EBF1: variants seen among roughly 807,000 people sequenced by gnomAD.
EBF1 encodes EBF transcription factor 1.
In EBF1, 10 loss-of-function variants were observed where a neutral mutation model predicts 68.4. The ratio of observed to expected loss-of-function variants is 0.15; its 90% CI spans 0.09 to 0.25. The LOEUF is 0.25. Ranked by LOEUF, EBF1 falls within the 10% of genes least tolerant of loss-of-function variation. EBF1 has a pLI of 1.00. For synonymous variants in EBF1, 298 were observed against 299.8 expected, an observed-to-expected ratio of 0.99 and a Z score of 0.06; for missense variants, 509 against 794.4, an observed-to-expected ratio of 0.64 and a Z score of 4.32.
intron 15 of EBF1, among the ~76,000 whole-genome samples, chr5:158,704,090 T>C (rs1269916682): frequency 6.6e-6 from 1 of 152,228 alleles, no homozygotes; most frequent in Admixed American, 6.5e-5. Context: ...CCTTGTTTGC[T>C]AGTTGTGTAA....
chr5:158,934,603 A>G (rs943129073), intron 6 of EBF1, among the ~76,000 whole-genome samples: 2 of 152,240 alleles, frequency 1.3e-5, no homozygotes, highest in African/African-American at 4.8e-5. Flanking sequence ...AATATTTGGA[A>G]AGAGTACAGA....
chr5:158,855,020 G>T (rs1460385788), intron 6 of EBF1, among the ~76,000 whole-genome samples: 1 of 152,106 alleles, frequency 6.6e-6, no homozygotes, highest in African/African-American at 2.4e-5. Context: ...ACATATAAGT[G>T]AAAGAACCAG....
intron 10 of EBF1, among the ~76,000 whole-genome samples, chr5:158,737,385 GC>G (rs1210312251): frequency 2.9e-5 from 4 of 139,404 alleles, no homozygotes; most frequent in South Asian, 2.4e-4. Context: ...CCGGGTTCAT[GC>G]CATTCTCCTG....
At chr5:158,952,720 A>C (rs1177781790) in intron 6 of EBF1, among the ~76,000 whole-genome samples, 1 of 152,246 alleles carries the variant, frequency 6.6e-6, no homozygotes, top group Admixed American at 6.5e-5. Context: ...AATTATGTGC[A>C]ACAAAAGCTG....
At chr5:159,061,137 T>C (rs1775726252) in intron 6 of EBF1, among the ~76,000 whole-genome samples, 1 of 152,102 alleles carries the variant, frequency 6.6e-6, no homozygotes, top group Non-Finnish European at 1.5e-5. Flanking sequence ...TTATTATTAT[T>C]ATCATATCTG....
intron 6 of EBF1, among the ~76,000 whole-genome samples, chr5:159,066,765 G>C (rs909597484): frequency 6.6e-6 from 1 of 152,112 alleles, no homozygotes; most frequent in African/African-American, 2.4e-5. Context: ...TGGAGAAATA[G>C]TTTGTAAGGG....
In EBF1 at chr5:158,731,049, C is replaced by T. The variant is rs780062562; in HGVS notation, c.1125+20G>A. ...CTCAAGTCCAAATTTTCAGGAATTACAAAAAGGCAGTATCCTCACCTTTGG... is the reference window on the plus strand; with the variant it reads ...CTCAAGTCCAAATTTTCAGGAATTATAAAAAGGCAGTATCCTCACCTTTGG... On this transcript the variant is annotated intron_variant, in intron 11 of 15. Transcript: ENST00000313708. 6.2e-7 allele frequency: 1 copy of T among 1,605,532 alleles called. No individual in the cohort carries two copies. Among genetic ancestry groups the T allele is most frequent in the South Asian group, 1.1e-5 (1 of 89,318 alleles).
intron 11 of EBF1, among the ~76,000 whole-genome samples, chr5:158,725,902 A>G (rs1762895086): frequency 6.6e-6 from 1 of 152,210 alleles, no homozygotes; most frequent in African/African-American, 2.4e-5. Context: ...AAATTTTGCA[A>G]TATCATTCAT....
intron 6 of EBF1, among the ~76,000 whole-genome samples, chr5:158,854,962 C>A (rs1250658799): frequency 1.3e-5 from 2 of 152,176 alleles, no homozygotes; most frequent in Non-Finnish European, 2.9e-5. Context: ...TTCCCATCTA[C>A]AGATGAATGT....
At chr5:158,800,317 T>C (rs192639925) in intron 8 of EBF1, among the ~76,000 whole-genome samples, 2 of 152,286 alleles carry the variant, frequency 1.3e-5, no homozygotes, top group East Asian at 3.9e-4. Context: ...CATGCAGTTA[T>C]ATGTGAACAA....
At chr5:158,848,328 T>G (rs1791948998) in intron 6 of EBF1, among the ~76,000 whole-genome samples, 1 of 152,188 alleles carries the variant, frequency 6.6e-6, no homozygotes, top group African/African-American at 2.4e-5. Context: ...TATATTCTTA[T>G]TATCATCACC....
At chr5:158,925,527 G>A (rs919605130) in intron 6 of EBF1, among the ~76,000 whole-genome samples, 25 of 152,186 alleles carry the variant, frequency 1.6e-4, no homozygotes, top group Non-Finnish European at 5.9e-5. Context: ...AAAGGGAAAG[G>A]GCTCCCTCTT....
At position 158,698,945 on chromosome 5, in the gene EBF1, T is replaced by C. The variant is rs533436328; in HGVS notation, c.*166A>G. ...TGCACTTGCAGATCCCTCTTCCAAT[T>C]TCAGTATTTGCAAGGTCGGTGATTT... On this transcript the variant is annotated 3_prime_UTR_variant, in exon 16 of 16. Transcript: ENST00000313708. 6 of 531,556 alleles carry C rather than the reference T, an allele frequency of 1.1e-5. No individual in the cohort carries two copies. In the African/African-American group the frequency reaches 1.2e-4, roughly 10 times the overall value. The allele number at this position is 531,556 out of a possible 1,614,324, so 32.9% of individuals were successfully genotyped here. A position where few individuals can be genotyped will look rare whatever the true frequency, so the allele number is the denominator to read the frequency against.
At chr5:159,089,258 G>C (rs1041302631) in intron 4 of EBF1, among the ~76,000 whole-genome samples, 1 of 152,050 alleles carries the variant, frequency 6.6e-6, no homozygotes, top group Non-Finnish European at 1.5e-5. Flanking sequence ...ATATTCTTAT[G>C]CAAAAACATC....
intron 5 of EBF1, among the ~76,000 whole-genome samples, chr5:159,080,338 A>T (rs1446228374): frequency 6.6e-6 from 1 of 152,182 alleles, no homozygotes; most frequent in Non-Finnish European, 1.5e-5. Flanking sequence ...AACCCTTTCT[A>T]GAGTGCAGTC....
intron 6 of EBF1, among the ~76,000 whole-genome samples, chr5:159,051,499 G>GACATGT (rs1773729137): frequency 6.9e-6 from 1 of 145,856 alleles, no homozygotes; most frequent in African/African-American, 2.6e-5. Flanking sequence ...CTCGTGTTTC[G>GACATGT]GCTTTCGCTG....
At chr5:158,884,529 G>A (rs1368131243) in intron 6 of EBF1, among the ~76,000 whole-genome samples, 1 of 152,136 alleles carries the variant, frequency 6.6e-6, no homozygotes, top group Non-Finnish European at 1.5e-5. Context: ...AGGTAGGCAA[G>A]GTAGCCCTCA....
intron 6 of EBF1, among the ~76,000 whole-genome samples, chr5:159,029,034 T>C (rs976382429): frequency 1.3e-5 from 2 of 152,208 alleles, no homozygotes; most frequent in African/African-American, 4.8e-5. Context: ...ATAGCTATTA[T>C]CTTTATTCTA....
intron 6 of EBF1, among the ~76,000 whole-genome samples, chr5:159,043,955 C>A (rs1771785931): frequency 1.3e-5 from 2 of 152,130 alleles, no homozygotes; most frequent in Non-Finnish European, 1.5e-5. Context: ...ATAATTGTGA[C>A]CCTAATTCAC....
Sources: gnomAD v4.1 joint callset for allele counts (sites outside exome capture counted in the v4.1 genomes callset) on GRCh38, gnomAD v4.1.1 for gene constraint, MANE v1.5 for transcripts, NCBI Gene and HGNC (gene_info 2026-07-23, HGNC 2026-07-21) for gene names.